Variants in ANO10 observed in about 807,000 individuals in gnomAD.
The protein encoded by ANO10 is anoctamin-10.
In ANO10, 77 loss-of-function variants were observed where a neutral mutation model predicts 74.7. The ratio of observed to expected loss-of-function variants is 1.03; its 90% CI spans 0.86 to 1.25. The LOEUF is 1.25. Among genes scored for constraint, ANO10 ranks in the 50% most tolerant of loss-of-function variants. The probability of loss-of-function intolerance (pLI) is 0.00; values close to 1 mark genes in which losing one functional copy is unlikely to be tolerated. For synonymous variants in ANO10, 279 were observed against 284.9 expected, an observed-to-expected ratio of 0.98 and a Z score of 0.21; for missense variants, 721 against 778.1, an observed-to-expected ratio of 0.93 and a Z score of 0.87.
chr3:43,523,030 G>C lies in ANO10; in HGVS notation c.1797+26690C>G, dbSNP rs553006515. 2.6e-5 allele frequency among the ~76,000 whole-genome samples: 4 copies of C among 152,344 alleles called. No homozygotes were observed. The East Asian group carries it at 7.7e-4, about 29-fold the overall frequency. ...CATTATCAGCTTCTATAGTGGGAGG[G>C]GGCATCTGCCATGAGGTCAGAGATT... On this transcript the variant is annotated intron_variant, in intron 11 of 12. Transcript: ENST00000292246.
At chr3:43,542,280 C>A (rs532867396) in intron 11 of ANO10, among the ~76,000 whole-genome samples, 1 of 152,104 alleles carries the variant, frequency 6.6e-6, no homozygotes, top group South Asian at 2.1e-4. Context: ...ATCAGCAAGT[C>A]TTGATGAGGG....
chr3:43,449,328 G>A (rs547214852), intron 11 of ANO10, among the ~76,000 whole-genome samples: 13 of 152,072 alleles, frequency 8.5e-5, no homozygotes, highest in South Asian at 2.1e-4. Context: ...TTTTGAAGAA[G>A]TTTAACTTAT....
At chr3:43,659,298 C>A (rs918333156) in intron 1 of ANO10, among the ~76,000 whole-genome samples, 4 of 152,128 alleles carry the variant, frequency 2.6e-5, no homozygotes, top group African/African-American at 2.4e-5. Context: ...TTTCCCTTTC[C>A]TAGCCAAGGG....
At chr3:43,519,423 T>C (rs1347689897) in intron 11 of ANO10, among the ~76,000 whole-genome samples, 1 of 152,154 alleles carries the variant, frequency 6.6e-6, no homozygotes, top group East Asian at 1.9e-4. Flanking sequence ...GCCCTCAAGA[T>C]ACTCTAACTA....
intron 12 of ANO10, among the ~76,000 whole-genome samples, chr3:43,378,333 C>T (rs1205978673): frequency 6.6e-6 from 1 of 152,148 alleles, no homozygotes; most frequent in Non-Finnish European, 1.5e-5. Context: ...ATCAAAGGAC[C>T]CCTGGTGGTG....
chr3:43,676,543 G>C (rs2084124649), intron 1 of ANO10, among the ~76,000 whole-genome samples: 1 of 152,188 alleles, frequency 6.6e-6, no homozygotes, highest in Non-Finnish European at 1.5e-5. Flanking sequence ...TATAGGAATA[G>C]ATTAGTTGTT....
At chr3:43,513,617 T>C (rs1192232399) in intron 11 of ANO10, among the ~76,000 whole-genome samples, 1 of 152,144 alleles carries the variant, frequency 6.6e-6, no homozygotes, top group Non-Finnish European at 1.5e-5. Context: ...TTCACGCCAT[T>C]CTCCTGCCTC....
chr3:43,491,800 A>G (rs1041726517), intron 11 of ANO10, among the ~76,000 whole-genome samples: 2 of 152,212 alleles, frequency 1.3e-5, no homozygotes, highest in Non-Finnish European at 2.9e-5. Context: ...AATATGATAT[A>G]ATATAATAAT....
intron 11 of ANO10, among the ~76,000 whole-genome samples, chr3:43,548,693 A>G (rs144676972): frequency 2.6e-5 from 4 of 152,366 alleles, no homozygotes; most frequent in African/African-American, 9.6e-5. Flanking sequence ...GCTTTTATAG[A>G]GTTCCATAAC....
chr3:43,531,911 A>C (rs575794410), intron 11 of ANO10, among the ~76,000 whole-genome samples: 4 of 152,120 alleles, frequency 2.6e-5, no homozygotes, highest in Admixed American at 6.5e-5. Flanking sequence ...AAAAAAAAAA[A>C]AACAAAACCC....
intron 4 of ANO10, among the ~76,000 whole-genome samples, chr3:43,591,392 T>C (rs761136545): frequency 2.6e-4 from 40 of 152,076 alleles, no homozygotes; most frequent in Non-Finnish European, 4.7e-4. Context: ...GGTTCCACGG[T>C]TCTCTTCCAT....
At chr3:43,528,536 T>C (rs2078311226) in intron 11 of ANO10, among the ~76,000 whole-genome samples, 1 of 151,876 alleles carries the variant, frequency 6.6e-6, no homozygotes, top group South Asian at 2.1e-4. Flanking sequence ...AAAATCATCT[T>C]AGAAATAGTG....
At chr3:43,628,315 C>A (rs1239842978) in intron 1 of ANO10, among the ~76,000 whole-genome samples, 3 of 152,164 alleles carry the variant, frequency 2.0e-5, no homozygotes, top group African/African-American at 7.2e-5. Context: ...AATCTGTAAA[C>A]ATAAATTGTG....
chr3:43,468,400 C>T (rs2075717528), intron 11 of ANO10, among the ~76,000 whole-genome samples: 1 of 152,214 alleles, frequency 6.6e-6, no homozygotes, highest in Non-Finnish European at 1.5e-5. Flanking sequence ...AGGATGGAAG[C>T]TTCCTGTGAA....
At chr3:43,555,575 A>C in intron 9 of ANO10, 106 bp from the exon 10 acceptor site, 1 of 1,152,612 alleles carries the variant, frequency 8.7e-7, no homozygotes, top group Non-Finnish European at 1.2e-6. Flanking sequence ...AAAACCTCAA[A>C]GAGTTTCCCC....
At position 43,497,792 on chromosome 3, in the gene ANO10, T is replaced by A. The variant is rs1457923908; in HGVS notation, c.1797+51928A>T. On this transcript the variant is annotated intron_variant, in intron 11 of 12. Coordinates refer to ENST00000292246, the MANE Select transcript of ANO10 (RefSeq NM_018075.5). ...TGTGATATATATTTACATATTTCTA[T>A]GAAATAAAGATTTTTATTCTGTATT... Among the ~76,000 whole-genome samples, 5 of 152,316 alleles carry A rather than the reference T, an allele frequency of 3.3e-5. No homozygotes were observed. In the East Asian group the frequency reaches 7.7e-4, roughly 23 times the overall value.
intron 2 of ANO10, among the ~76,000 whole-genome samples, chr3:43,604,543 TA>T (rs1263167847): frequency 1.3e-5 from 2 of 152,076 alleles, no homozygotes; most frequent in Non-Finnish European, 2.9e-5. Flanking sequence ...GTCTTTTATA[TA>T]TTTTTTAACC....
At chr3:43,678,726 T>C (rs1049249428) in intron 1 of ANO10, among the ~76,000 whole-genome samples, 3 of 152,186 alleles carry the variant, frequency 2.0e-5, no homozygotes, top group African/African-American at 4.8e-5. Context: ...TTTAACTCCA[T>C]GTCTGAGGAG....
chr3:43,600,803 C>G (rs1308632089), intron 2 of ANO10, among the ~76,000 whole-genome samples: 1 of 151,994 alleles, frequency 6.6e-6, no homozygotes, highest in Non-Finnish European at 1.5e-5. Flanking sequence ...ACTAAGTAGC[C>G]TGCCACTTAT....
Sources: allele counts gnomAD v4.1 joint callset (sites outside exome capture counted in the v4.1 genomes callset), GRCh38; gene constraint gnomAD v4.1.1; transcripts MANE v1.5; gene names NCBI Gene and HGNC (gene_info 2026-07-23, HGNC 2026-07-21).